Variants in PRIM2 observed in about 807,000 individuals in gnomAD.
The protein encoded by PRIM2 is DNA primase subunit 2, also known as DNA primase large subunit.
PRIM2 carries 39 observed loss-of-function variants against 67.3 expected under a neutral mutation model. The ratio of observed to expected loss-of-function variants is 0.58; its 90% CI spans 0.45 to 0.76. PRIM2 has a LOEUF of 0.76. Among genes scored for constraint, PRIM2 ranks in the 30% least tolerant of loss-of-function variants. PRIM2 has a pLI of 0.00. For synonymous variants in PRIM2, 143 were observed against 198.7 expected (o/e 0.72, Z 2.36); for missense variants, 398 against 598.7 (o/e 0.66, Z 3.50).
At chr6:57,627,976 C>G (rs1479305550) in intron 12 of PRIM2, among the ~76,000 whole-genome samples, 1 of 152,194 alleles carries the variant, frequency 6.6e-6, no homozygotes, top group Non-Finnish European at 1.5e-5. Flanking sequence ...TTGGTTTCCT[C>G]TGACCTTTGG....
At chr6:57,593,312 T>TTTTTG (rs1776313730) in intron 10 of PRIM2, among the ~76,000 whole-genome samples, 1 of 151,968 alleles carries the variant, frequency 6.6e-6, no homozygotes, top group African/African-American at 2.4e-5. Flanking sequence ...ACCTCTTTTT[T>TTTTTG]TTTTTTGAGA....
At chr6:57,565,352 T>A (rs1260910405) in intron 10 of PRIM2, among the ~76,000 whole-genome samples, 1 of 148,672 alleles carries the variant, frequency 6.7e-6, no homozygotes, top group Admixed American at 6.8e-5. Flanking sequence ...TCTCTCTATA[T>A]AAAGATATTT....
rs1314261115 is a variant in PRIM2, at chr6:57,566,256, A to G, written c.1020+28631A>G. On this transcript the variant is annotated intron_variant, in intron 10 of 13. Transcript: ENST00000615550. ...GCAACCTTTTTGGCAAGAATCCTTC[A>G]TAAGTGGTACTTTATTTTTCATATT... 3.3e-5 allele frequency among the ~76,000 whole-genome samples: 5 copies of G among 151,488 alleles called. No individual in the cohort carries two copies. The South Asian group carries it at 6.2e-4, about 19-fold the overall frequency.
intron 7 of PRIM2, among the ~76,000 whole-genome samples, chr6:57,474,984 C>T (rs1773441001): frequency 6.6e-6 from 1 of 152,104 alleles, no homozygotes; most frequent in African/African-American, 2.4e-5. Flanking sequence ...CAATATTGAG[C>T]ATTAGGCAAT....
intron 10 of PRIM2, among the ~76,000 whole-genome samples, chr6:57,593,378 C>T (rs1221033749): frequency 5.3e-5 from 8 of 152,044 alleles, no homozygotes; most frequent in Admixed American, 4.6e-4. Flanking sequence ...TCTTGGCTCA[C>T]TGCAACCTCT....
chr6:57,271,426 A>G, the PRIM2 span, among the ~76,000 whole-genome samples: 19,803 of 152,082 alleles, frequency 0.13, 1,368 homozygotes, highest in East Asian at 0.21. Flanking sequence ...AGAGGTGTTT[A>G]TAGTATTCTC....
At chr6:57,293,466 C>T in the PRIM2 span, among the ~76,000 whole-genome samples, 2 of 152,168 alleles carry the variant, frequency 1.3e-5, no homozygotes, top group Non-Finnish European at 2.9e-5. Context: ...TACGATTTGA[C>T]CCAGCCATCC....
intron 12 of PRIM2, among the ~76,000 whole-genome samples, chr6:57,613,231 T>C (rs1429166634): frequency 6.5e-4 from 99 of 152,328 alleles, no homozygotes; most frequent in African/African-American, 2.3e-3. Flanking sequence ...TAGAGTGACA[T>C]AGACAACATC....
At chr6:57,614,518 C>A (rs1357126868) in intron 12 of PRIM2, among the ~76,000 whole-genome samples, 1 of 152,022 alleles carries the variant, frequency 6.6e-6, no homozygotes, top group East Asian at 1.9e-4. Flanking sequence ...CTATATTGGT[C>A]ATTTCTTATT....
chr6:57,483,284 G>A (rs1773673307), intron 7 of PRIM2, among the ~76,000 whole-genome samples: 2 of 152,074 alleles, frequency 1.3e-5, no homozygotes. Flanking sequence ...AAAGCCTCAG[G>A]ATATGAGCAC....
chr6:57,577,692 G>C (rs1775989047), intron 10 of PRIM2, among the ~76,000 whole-genome samples: 2 of 152,178 alleles, frequency 1.3e-5, no homozygotes, highest in South Asian at 2.1e-4. Flanking sequence ...GCCTCCCAAA[G>C]TGCTGGATTT....
At chr6:57,386,977 A>G (rs1261172078) in intron 7 of PRIM2, among the ~76,000 whole-genome samples, 1 of 152,180 alleles carries the variant, frequency 6.6e-6, no homozygotes, top group Non-Finnish European at 1.5e-5. Context: ...CTGTGACCAT[A>G]TGACTTTTAT....
At chr6:57,607,232 C>T (rs1252740555) in intron 12 of PRIM2, among the ~76,000 whole-genome samples, 1,552 of 152,168 alleles carry the variant, frequency 0.01, 28 homozygotes, top group African/African-American at 0.034. Flanking sequence ...GACAACTTTA[C>T]GGCTGCTTCT....
At chr6:57,280,376 ACTTT>A in the PRIM2 span, among the ~76,000 whole-genome samples, 1 of 150,414 alleles carries the variant, frequency 6.6e-6, no homozygotes, top group African/African-American at 2.5e-5. Flanking sequence ...GCATTTCCAT[ACTTT>A]GTATTCTTTT....
intron 5 of PRIM2, among the ~76,000 whole-genome samples, chr6:57,374,386 C>T (rs56684663): frequency 0.092 from 13,663 of 149,076 alleles, 1,427 homozygotes; most frequent in African/African-American, 0.26. Flanking sequence ...CTCCGCCTCC[C>T]GGGTTCACGC....
chr6:57,286,637 C>T, the PRIM2 span, among the ~76,000 whole-genome samples: 1 of 152,146 alleles, frequency 6.6e-6, no homozygotes, highest in Non-Finnish European at 1.5e-5. Flanking sequence ...AAACATAAAA[C>T]CTAAAAGTAT....
chr6:57,645,368 CACAT>C (rs1330596585), intron 13 of PRIM2, among the ~76,000 whole-genome samples: 1 of 127,040 alleles, frequency 7.9e-6, no homozygotes, highest in African/African-American at 3.1e-5. Context: ...CACACACACA[CACAT>C]TTGTATTCCA....
chr6:57,346,587 G>C (rs1335372836), intron 5 of PRIM2, among the ~76,000 whole-genome samples: 2 of 151,988 alleles, frequency 1.3e-5, no homozygotes, highest in Non-Finnish European at 2.9e-5. Flanking sequence ...CAAAGTGTTG[G>C]GATTACAGGC....
intron 5 of PRIM2, among the ~76,000 whole-genome samples, chr6:57,326,815 A>G (rs182696627): frequency 3.3e-5 from 5 of 152,006 alleles, no homozygotes; most frequent in African/African-American, 1.2e-4. Flanking sequence ...AATGATTTAC[A>G]TATTGTAATT....
Sources: allele counts gnomAD v4.1 joint callset (sites outside exome capture counted in the v4.1 genomes callset), GRCh38; gene constraint gnomAD v4.1.1; transcripts MANE v1.5; gene names NCBI Gene and HGNC (gene_info 2026-07-23, HGNC 2026-07-21).